Variants in NTNG1 observed in about 807,000 individuals in gnomAD.
NTNG1 encodes netrin-G1.
A neutral mutation model predicts 54.0 loss-of-function variants in NTNG1; 16 were observed. The ratio of observed to expected loss-of-function variants is 0.30; its 90% confidence interval spans 0.20 to 0.45. NTNG1 has a LOEUF of 0.45. Ranked by LOEUF, NTNG1 falls within the 20% of genes least tolerant of loss-of-function variation. The pLI is 1.00. For missense variants in NTNG1, 530 were observed against 678.7 expected (o/e 0.78, Z 2.43); for synonymous variants, 255 against 263.1 (o/e 0.97, Z 0.30).
chr1:107,222,608 A>T (rs1660416210), intron 2 of NTNG1, among the ~76,000 whole-genome samples: 1 of 152,166 alleles, frequency 6.6e-6, no homozygotes, highest in Non-Finnish European at 1.5e-5. Context: ...TACTGGGAGC[A>T]TACTAGGTGT....
chr1:107,209,124 T>C (rs1659424393), intron 2 of NTNG1, among the ~76,000 whole-genome samples: 1 of 152,018 alleles, frequency 6.6e-6, no homozygotes, highest in Non-Finnish European at 1.5e-5. Context: ...TTCTATTTCC[T>C]TACCTCGTTT....
At chr1:107,312,466 T>TGAA (rs1667071475) in intron 2 of NTNG1, among the ~76,000 whole-genome samples, 1 of 17,320 alleles carries the variant, frequency 5.8e-5, no homozygotes. Context: ...ATATTGAATT[T>TGAA]CAAGAAGTCA....
chr1:107,305,904 A>T (rs1488841680), intron 2 of NTNG1, among the ~76,000 whole-genome samples: 2 of 151,982 alleles, frequency 1.3e-5, no homozygotes, highest in African/African-American at 4.8e-5. Context: ...TCCTGTACCT[A>T]TGTTGTTATT....
intron 2 of NTNG1, among the ~76,000 whole-genome samples, chr1:107,174,648 A>C (rs1366754305): frequency 6.6e-6 from 1 of 152,012 alleles, no homozygotes; most frequent in African/African-American, 2.4e-5. Context: ...CTCTTAGAGC[A>C]AGGATCTCAT....
rs1216199616 is a variant in NTNG1 at position 107,266,219 on chromosome 1, A to G, written c.247-58063A>G. 1.1e-4 allele frequency among the ~76,000 whole-genome samples: 16 copies of G among 152,326 alleles called. No homozygotes were observed. In the East Asian group the frequency reaches 2.7e-3, roughly 26 times the overall value. Reference sequence around the variant, plus strand: ...AGTGAATATGGGAGGGGAAATGCTTATATGAGGAAAATGTGCTGGACACCC... The same window carrying G: ...AGTGAATATGGGAGGGGAAATGCTTGTATGAGGAAAATGTGCTGGACACCC... On this transcript the variant is annotated intron_variant, in intron 2 of 7. Coordinates refer to ENST00000370068, the MANE Select transcript of NTNG1 (RefSeq NM_001113226.3).
intron 2 of NTNG1, among the ~76,000 whole-genome samples, chr1:107,217,133 G>A (rs568956540): frequency 1.3e-5 from 2 of 151,306 alleles, no homozygotes; most frequent in Non-Finnish European, 3.0e-5. Context: ...CTTGTTATTG[G>A]TCTGTCCAGA....
chr1:107,430,834 C>T lies in NTNG1; in HGVS notation c.1172C>T (p.Thr391Ile). The T allele has an allele frequency of 1.9e-6, 3 of 1,613,294 alleles. No individual in the cohort carries two copies. Among genetic ancestry groups the T allele is most frequent in the Non-Finnish European group, 1.7e-6 (2 of 1,179,600 alleles). Residue 391 changes from threonine to isoleucine, a missense_variant, in exon 6 of 8, where the codon ACT becomes ATT. Transcript: ENST00000370068. ...TVICVSCKHNTRGQHCELCRL... is the reference protein window; with the variant it reads ...TVICVSCKHNIRGQHCELCRL... The stretch of plus-strand genomic sequence containing the variant: ...ATTTGCGTGAGCTGTAAACACAACA[C>T]TAGAGGGCAGCACTGTGAGTTATGC...
At chr1:107,234,191 T>C (rs557384084) in intron 2 of NTNG1, among the ~76,000 whole-genome samples, 6 of 152,262 alleles carry the variant, frequency 3.9e-5, no homozygotes, top group African/African-American at 1.4e-4. Flanking sequence ...GGCATGATCT[T>C]GGCTCACTGC....
chr1:107,361,391 A>ATTTTTTTTTTT (rs1177736263), intron 3 of NTNG1, among the ~76,000 whole-genome samples: 1 of 88,000 alleles, frequency 1.1e-5, no homozygotes, highest in African/African-American at 3.9e-5. Context: ...ATATATATAT[A>ATTTTTTTTTTT]TTTTTTTTTT....
intron 2 of NTNG1, among the ~76,000 whole-genome samples, chr1:107,257,995 C>A (rs114062924): frequency 5.6e-4 from 85 of 152,190 alleles, no homozygotes; most frequent in African/African-American, 2.0e-3. Context: ...AGGACATCAT[C>A]GGTGATAATA....
intron 7 of NTNG1, among the ~76,000 whole-genome samples, chr1:107,445,151 G>A (rs964653671): frequency 6.6e-6 from 1 of 152,042 alleles, no homozygotes; most frequent in Non-Finnish European, 1.5e-5. Flanking sequence ...ATGATGAGAG[G>A]GTTCTTGAAA....
intron 3 of NTNG1, among the ~76,000 whole-genome samples, chr1:107,341,250 T>C (rs1188141916): frequency 6.6e-6 from 1 of 152,164 alleles, no homozygotes; most frequent in Non-Finnish European, 1.5e-5. Context: ...CTCTTTCCAC[T>C]TTCTTATATT....
intron 2 of NTNG1, among the ~76,000 whole-genome samples, chr1:107,265,568 A>T (rs548631116): frequency 6.6e-6 from 1 of 152,304 alleles, no homozygotes; most frequent in East Asian, 1.9e-4. Flanking sequence ...AGATTCTAAA[A>T]AGCAATGAGT....
At chr1:107,214,101 G>A (rs979851251) in intron 2 of NTNG1, among the ~76,000 whole-genome samples, 2 of 151,560 alleles carry the variant, frequency 1.3e-5, no homozygotes, top group East Asian at 1.9e-4. Context: ...TTTTATGATC[G>A]TTGCTTTTTA....
intron 7 of NTNG1, among the ~76,000 whole-genome samples, chr1:107,451,469 A>G (rs1676622885): frequency 6.6e-6 from 1 of 152,108 alleles, no homozygotes; most frequent in African/African-American, 2.4e-5. Flanking sequence ...ACCTCCACAG[A>G]GTAAAGAGAC....
chr1:107,410,617 A>T (rs1236764416), intron 5 of NTNG1: 3 of 152,120 alleles, frequency 2.0e-5, no homozygotes, highest in Non-Finnish European at 2.9e-5. Context: ...ACTTTACCTG[A>T]TGTGGTAGGA....
chr1:107,195,086 G>T (rs1362018165), intron 2 of NTNG1, among the ~76,000 whole-genome samples: 1 of 151,932 alleles, frequency 6.6e-6, no homozygotes, highest in Non-Finnish European at 1.5e-5. Context: ...AGGGAACAAT[G>T]AAAATGTAAT....
In NTNG1 at chr1:107,324,842, A is replaced by T; in HGVS notation, c.807A>T (p.Pro269=). 6.2e-7 allele frequency: 1 copy of T among 1,613,584 alleles called. No homozygotes were observed. Among genetic ancestry groups the T allele is most frequent in the Non-Finnish European group, 8.5e-7 (1 of 1,179,700 alleles). ...ACCTGAGGATAAGGCTGTTAAGACC[A>T]GCCGTTGGGGAAATATTTGTAGATG... is the stretch of plus-strand genomic sequence containing the variant. ...VTDLRIRLLR[P]AVGEIFVDEL... is the part of the protein sequence containing the mutation. The change falls in exon 3 of 8, where the codon CCA becomes CCT. Residue 269 remains proline (P), a synonymous_variant. Transcript: ENST00000370068.
intron 2 of NTNG1, among the ~76,000 whole-genome samples, chr1:107,312,202 G>A (rs1379705677): frequency 6.6e-6 from 1 of 152,092 alleles, no homozygotes; most frequent in African/African-American, 2.4e-5. Context: ...CAATATGAAT[G>A]AAGCTGCGGT....
Sources: allele counts gnomAD v4.1 joint callset (sites outside exome capture counted in the v4.1 genomes callset), GRCh38; gene constraint gnomAD v4.1.1; transcripts MANE v1.5; gene names NCBI Gene and HGNC (gene_info 2026-07-23, HGNC 2026-07-21).